GPC6: variants seen among roughly 807,000 people sequenced by gnomAD.
GPC6 encodes the protein glypican-6.
A neutral mutation model predicts 55.2 loss-of-function variants in GPC6; 14 were observed. The observed-to-expected ratio is 0.25, with a 90% confidence interval of 0.17 to 0.40. GPC6 has a LOEUF of 0.40. Among genes scored for constraint, GPC6 ranks in the 10% least tolerant of loss-of-function variants. The pLI is 1.00. For missense variants in GPC6, 641 were observed against 708.5 expected (o/e 0.90, Z 1.08); for synonymous variants, 278 against 259.6 (o/e 1.07, Z -0.68).
chr13:93,834,916 C>T (rs934735995), intron 3 of GPC6, among the ~76,000 whole-genome samples: 2 of 152,118 alleles, frequency 1.3e-5, no homozygotes, highest in Non-Finnish European at 2.9e-5. Context: ...TTAGCACTGT[C>T]CCTTTATTAA....
chr13:94,037,425 A>G (rs1166215748), intron 4 of GPC6, among the ~76,000 whole-genome samples: 2 of 151,962 alleles, frequency 1.3e-5, no homozygotes, highest in African/African-American at 4.8e-5. Context: ...TTATAAAATT[A>G]AGCAAGAGTT....
intron 3 of GPC6, among the ~76,000 whole-genome samples, chr13:93,975,597 T>C (rs897289198): frequency 2.6e-5 from 4 of 152,206 alleles, no homozygotes; most frequent in Non-Finnish European, 5.9e-5. Flanking sequence ...GAGTTTTTTA[T>C]TGAAAAATGC....
chr13:93,536,994 A>G (rs989726294), intron 1 of GPC6, among the ~76,000 whole-genome samples: 1 of 152,194 alleles, frequency 6.6e-6, no homozygotes, highest in Admixed American at 6.6e-5. Flanking sequence ...CAATTTGAAA[A>G]TATTCCACGA....
rs78818737 is a variant in GPC6, at chr13:93,624,093, C to G, written c.319+78672C>G. Among the ~76,000 whole-genome samples the G allele has an allele frequency of 1.9e-3, 278 of 150,116 alleles. 1 individual carries two copies. Among genetic ancestry groups the G allele is most frequent in the Admixed American group, 8.8e-3 (132 of 14,942 alleles). On this transcript the variant is annotated intron_variant, in intron 2 of 8. Transcript: ENST00000377047. ...TCACATGTATATTTGCTTGTTAGTACTGGAGTAAAACAAATTTCAACTTTT... is the reference window on the plus strand; with the variant it reads ...TCACATGTATATTTGCTTGTTAGTAGTGGAGTAAAACAAATTTCAACTTTT...
intron 3 of GPC6, among the ~76,000 whole-genome samples, chr13:93,984,714 G>C (rs575239151): frequency 6.6e-6 from 1 of 152,172 alleles, no homozygotes; most frequent in African/African-American, 2.4e-5. Context: ...TAACATAGGG[G>C]AAAAAGTATT....
intron 1 of GPC6, among the ~76,000 whole-genome samples, chr13:93,349,560 A>G (rs531478486): frequency 1.3e-5 from 2 of 152,148 alleles, no homozygotes; most frequent in African/African-American, 4.8e-5. Flanking sequence ...CGATCTGGAG[A>G]TATACCAAAG....
chr13:94,318,122 G>A (rs1329959807), intron 6 of GPC6, among the ~76,000 whole-genome samples: 1 of 152,146 alleles, frequency 6.6e-6, no homozygotes, highest in Non-Finnish European at 1.5e-5. Context: ...TCGGCTTCAT[G>A]GAAGAGTAGA....
In GPC6 at chr13:93,830,378, T is replaced by G; in HGVS notation, c.544T>G (p.Phe182Val). The G allele has an allele frequency of 1.2e-6, 2 of 1,613,894 alleles. No individual in the cohort carries two copies. The highest frequency in any genetic ancestry group is 1.7e-6 in the Non-Finnish European group (2 of 1,179,902). Reference protein sequence around the residue: ...MFQLINPQYHFSEDYLECVSK... With the variant: ...MFQLINPQYHVSEDYLECVSK... Reference sequence around the variant, plus strand: ...TCAGCTGATAAACCCTCAGTATCACTTCAGTGAAGACTACCTGGAATGTGT... The same window carrying G: ...TCAGCTGATAAACCCTCAGTATCACGTCAGTGAAGACTACCTGGAATGTGT... The change falls in exon 3 of 9, where the codon TTC (phenylalanine) becomes GTC (valine). Residue 182 changes from phenylalanine to valine, a missense_variant. Transcript: ENST00000377047.
Position 93,872,113 on chromosome 13 carries a change from G to A in GPC6, c.711+41568G>A, listed in dbSNP as rs139307532. On this transcript the variant is annotated intron_variant, in intron 3 of 8. Transcript: ENST00000377047. ...AATCTCTGACATTATTTACATAAAAGCCTTTTTGAAATATCAAAAGAGATT... is the reference window on the plus strand; with the variant it reads ...AATCTCTGACATTATTTACATAAAAACCTTTTTGAAATATCAAAAGAGATT... Among the ~76,000 whole-genome samples, 67 of 151,958 alleles carry A rather than the reference G, an allele frequency of 4.4e-4. No individual in the cohort carries two copies. The East Asian group carries it at 9.2e-3, about 21-fold the overall frequency.
chr13:93,857,510 A>G (rs575217826), intron 3 of GPC6, among the ~76,000 whole-genome samples: 15 of 151,698 alleles, frequency 9.9e-5, no homozygotes, highest in Admixed American at 2.0e-4. Context: ...AGAATTGGAA[A>G]TTGTCTTTAT....
At chr13:93,279,897 G>C (rs1001727827) in intron 1 of GPC6, among the ~76,000 whole-genome samples, 2 of 152,162 alleles carry the variant, frequency 1.3e-5, no homozygotes, top group Non-Finnish European at 2.9e-5. Flanking sequence ...TAAATGAATT[G>C]TTTGGGTTTT....
intron 4 of GPC6, among the ~76,000 whole-genome samples, chr13:94,195,515 A>G (rs1889544917): frequency 6.6e-6 from 1 of 152,102 alleles, no homozygotes; most frequent in South Asian, 2.1e-4. Context: ...TTGTACATGC[A>G]TGTTCACATT....
Position 93,929,816 on chromosome 13 carries a change from G to A in GPC6, c.712-97913G>A, listed in dbSNP as rs1045671882. 3.6e-4 allele frequency among the ~76,000 whole-genome samples: 54 copies of A among 150,172 alleles called. 2 individuals carry two copies. Among genetic ancestry groups the A allele is most frequent in the South Asian group, 2.1e-4 (1 of 4,718 alleles). On this transcript the variant is annotated intron_variant, in intron 3 of 8. Transcript: ENST00000377047. ...TATTTAAAAGAAAGAAGGAGGGAAG[G>A]AAAGAGGAACAGAGAGGAAGAAAGA...
At chr13:93,990,809 G>A (rs970256709) in intron 3 of GPC6, among the ~76,000 whole-genome samples, 3 of 151,494 alleles carry the variant, frequency 2.0e-5, no homozygotes, top group African/African-American at 7.3e-5. Flanking sequence ...GCTACAGTAA[G>A]CTATAATCAT....
At chr13:93,953,820 T>C (rs1396438975) in intron 3 of GPC6, among the ~76,000 whole-genome samples, 1 of 152,212 alleles carries the variant, frequency 6.6e-6, no homozygotes, top group Non-Finnish European at 1.5e-5. Context: ...TATTCTGTAT[T>C]GATTATCAGT....
chr13:94,343,703 T>G (rs1425672736), intron 6 of GPC6, among the ~76,000 whole-genome samples: 1 of 152,176 alleles, frequency 6.6e-6, no homozygotes, highest in East Asian at 1.9e-4. Context: ...TGAATCAACT[T>G]TGAGAGCTTG....
At chr13:94,304,363 A>G (rs1256024540) in intron 5 of GPC6, among the ~76,000 whole-genome samples, 2 of 152,240 alleles carry the variant, frequency 1.3e-5, no homozygotes, top group African/African-American at 4.8e-5. Context: ...GTCATTGTGA[A>G]TGGCACTCAG....
Position 93,917,072 on chromosome 13 carries a change from A to T in GPC6, c.711+86527A>T, listed in dbSNP as rs550437617. 7.9e-5 allele frequency among the ~76,000 whole-genome samples: 12 copies of T among 152,270 alleles called. No individual in the cohort carries two copies. The East Asian group carries it at 2.3e-3, about 29-fold the overall frequency. On this transcript the variant is annotated intron_variant, in intron 3 of 8. Transcript: ENST00000377047. Reference sequence around the variant, plus strand: ...AACAAGACATCTCTTTCATAAACAAATGTGTGTGTTTGACATGAGAAATGC... The same window carrying T: ...AACAAGACATCTCTTTCATAAACAATTGTGTGTGTTTGACATGAGAAATGC...
intron 3 of GPC6, among the ~76,000 whole-genome samples, chr13:94,021,862 A>G (rs958425993): frequency 1.3e-5 from 2 of 152,098 alleles, no homozygotes; most frequent in African/African-American, 4.8e-5. Flanking sequence ...TAGTTGGCTC[A>G]CAAACTTGTG....
Sources: allele counts gnomAD v4.1 joint callset (sites outside exome capture counted in the v4.1 genomes callset), GRCh38; gene constraint gnomAD v4.1.1; transcripts MANE v1.5; gene names NCBI Gene and HGNC (gene_info 2026-07-23, HGNC 2026-07-21).